Variants in VLDLR observed in about 807,000 individuals in gnomAD.
The protein encoded by VLDLR is very low-density lipoprotein receptor.
Under a neutral mutation model 112.7 loss-of-function variants are expected in VLDLR, and 81 were observed. The ratio of observed to expected loss-of-function variants is 0.72; its 90% confidence interval spans 0.60 to 0.86. The LOEUF (loss-of-function observed/expected upper bound fraction) is 0.86. Among genes scored for constraint, VLDLR ranks in the 40% least tolerant of loss-of-function variants. The pLI, the probability that VLDLR is intolerant of heterozygous loss-of-function variation, is 0.00. For synonymous variants in VLDLR, 436 were observed against 384.8 expected (o/e 1.13, Z -1.56); for missense variants, 1,237 against 1,099.4 (o/e 1.13, Z -1.77).
Position 2,643,174 on chromosome 9 carries a change from A to T in VLDLR, c.463A>T (p.Ser155Cys), listed in dbSNP as rs1203948151. The part of the protein sequence containing the change: ...DEENCGNITC[S>C]PDEFTCSSGR... ...TCTCTTAATAGGCAATATAACATGT[A>T]GTCCCGACGAGTTCACCTGCTCCAG... Residue 155 changes from serine (S) to cysteine (C), a missense_variant, in exon 5 of 19, where the codon AGT (serine) becomes TGT (cysteine). By Grantham distance (112) the Ser-to-Cys change is moderately radical (BLOSUM62 -1). Transcript: ENST00000382100. The T allele has an allele frequency of 5.0e-6, 8 of 1,611,998 alleles. No homozygotes were observed. The highest frequency in any genetic ancestry group is 6.8e-6 in the Non-Finnish European group (8 of 1,180,044).
Position 2,652,779 on chromosome 9 carries a change from G to T in VLDLR, c.2417-1G>T, listed in dbSNP as rs754454526. The stretch of plus-strand genomic sequence containing the variant: ...CTTAGCTACCCTCTGATTTTTTTCA[G>T]TGCTCTTAGTGATGGCAGCAGTAGG... On this transcript the variant is annotated splice_acceptor_variant, in intron 17 of 18. Transcript: ENST00000382100. LOFTEE classifies it high-confidence loss of function. 3 of 1,613,788 alleles carry T rather than the reference G, an allele frequency of 1.9e-6. No homozygotes were observed. The highest frequency in any genetic ancestry group is 4.5e-5 in the East Asian group (2 of 44,874).
intron 1 of VLDLR, among the ~76,000 whole-genome samples, chr9:2,624,189 T>C (rs561186000): frequency 6.6e-6 from 1 of 152,194 alleles, no homozygotes; most frequent in Non-Finnish European, 1.5e-5. Context: ...ATGTGAAATA[T>C]TTGACATGCC....
At chr9:2,631,425 T>C (rs1015069745) in intron 1 of VLDLR, among the ~76,000 whole-genome samples, 1 of 152,010 alleles carries the variant, frequency 6.6e-6, no homozygotes, top group Admixed American at 6.5e-5. Context: ...TGCCCATCAA[T>C]AATGAAAGGG....
intron 7 of VLDLR, 116 bp from the exon 8 acceptor site, chr9:2,644,618 A>G: frequency 7.5e-7 from 1 of 1,336,430 alleles, no homozygotes. Flanking sequence ...GGTCTTAGAC[A>G]AATCGTGGGT....
chr9:2,655,522 G>C lies in VLDLR; in HGVS notation c.*1654G>C, dbSNP rs1290875515. 2 of 152,262 alleles carry C rather than the reference G, an allele frequency of 1.3e-5. No individual in the cohort carries two copies. The highest frequency in any genetic ancestry group is 2.9e-5 in the Non-Finnish European group (2 of 68,028). 9.4% of individuals were successfully genotyped at this position (152,262 alleles called of 1,614,324 possible). ...GAGAAGATGTTTTGCGTTGCTACGT[G>C]AATCAGTGGATGACTCATATTTCAC... On this transcript the variant is annotated 3_prime_UTR_variant, in exon 19 of 19. Coordinates refer to ENST00000382100, the MANE Select transcript of VLDLR (RefSeq NM_003383.5).
rs1244488786 is a variant in VLDLR, at chr9:2,655,601, A to G, written c.*1733A>G. ...TCTTGTTTGTGGCTTAAGCAAGGACATTAATCCTACTAGATGAAGGGGAAG... is the reference window on the plus strand; with the variant it reads ...TCTTGTTTGTGGCTTAAGCAAGGACGTTAATCCTACTAGATGAAGGGGAAG... On this transcript the variant is annotated 3_prime_UTR_variant, in exon 19 of 19. Coordinates refer to ENST00000382100, the MANE Select transcript of VLDLR (RefSeq NM_003383.5). 6.6e-6 allele frequency: 1 copy of G among 152,208 alleles called. No homozygotes were observed. Among genetic ancestry groups the G allele is most frequent in the Non-Finnish European group, 1.5e-5 (1 of 68,030 alleles). The allele number at this position is 152,208 out of a possible 1,614,324, so 9.4% of individuals were successfully genotyped here.
chr9:2,644,077 T>C, intron 7 of VLDLR, 118 bp downstream of exon 7: 8 of 1,455,112 alleles, frequency 5.5e-6, no homozygotes, highest in African/African-American at 2.8e-5. Flanking sequence ...TGAAGTTCAA[T>C]TGTAGACTTC....
At chr9:2,648,399 T>C in intron 13 of VLDLR, 52 bp downstream of exon 13, 1 of 1,612,182 alleles carries the variant, frequency 6.2e-7, no homozygotes, top group African/African-American at 1.3e-5. Context: ...TATATCACTT[T>C]GAGAAGAAAT....
At chr9:2,633,011 G>A (rs1325418983) in intron 1 of VLDLR, among the ~76,000 whole-genome samples, 1 of 145,830 alleles carries the variant, frequency 6.9e-6, no homozygotes, top group Non-Finnish European at 1.5e-5. Context: ...TACTCCTAAT[G>A]CCTGTTGCTA....
At position 2,651,802 on chromosome 9, in the gene VLDLR, CCTTA is replaced by C; in HGVS notation, c.2336-70_2336-67del. The C allele has an allele frequency of 1.9e-6, 3 of 1,563,146 alleles. No individual in the cohort carries two copies. In the East Asian group the frequency reaches 6.7e-5, roughly 35 times the overall value. ...AATATTGGATGCAAAGGTTTTGGCT[CCTTA>C]CCTGATGGGTAAATTTCTAAGTCTG... On this transcript the variant is annotated intron_variant, in intron 16 of 18. Transcript: ENST00000382100.
At chr9:2,651,729 T>C (rs534073025) in intron 16 of VLDLR, 145 bp from the exon 17 acceptor site, 4 of 950,346 alleles carry the variant, frequency 4.2e-6, no homozygotes, top group Admixed American at 4.0e-5. Context: ...CAAATACTTC[T>C]AAGCCAGAGT....
rs1169361930 is a variant in VLDLR at position 2,622,256 on chromosome 9, G to T, written c.67G>T (p.Gly23Cys). The T allele has an allele frequency of 2.1e-5, 32 of 1,491,964 alleles. No individual in the cohort carries two copies. Among genetic ancestry groups the T allele is most frequent in the Non-Finnish European group, 2.7e-5 (31 of 1,127,410 alleles). 92.4% of individuals were successfully genotyped at this position (1,491,964 alleles called of 1,614,324 possible). Reference protein sequence around the residue: ...LALCWAPRESGATGTGRKAKC... With the variant: ...LALCWAPRESCATGTGRKAKC... ...GCTGTGCTGGGCGCCCCGGGAGAGC[G>T]GCGCCACCGGAACCGGTGAGTGAGG... is the stretch of plus-strand genomic sequence containing the variant. The change falls in exon 1 of 19, where the codon GGC (glycine) becomes TGC (cysteine). Residue 23 changes from glycine to cysteine, a missense_variant. By Grantham distance (159) the Gly-to-Cys change is radical. Transcript: ENST00000382100.
At chr9:2,635,324 C>A in intron 1 of VLDLR, 129 bp from the exon 2 acceptor site, 1 of 1,397,146 alleles carries the variant, frequency 7.2e-7, no homozygotes, top group Non-Finnish European at 1.0e-6. Context: ...CCATCCTACT[C>A]TGGCCCTTAG....
intron 2 of VLDLR, among the ~76,000 whole-genome samples, chr9:2,638,799 C>T (rs34148082): frequency 0.015 from 2,354 of 152,298 alleles, 70 homozygotes; most frequent in African/African-American, 0.054. Flanking sequence ...AATTCCTCTC[C>T]TTAGGCTATT....
intron 14 of VLDLR, 131 bp from the exon 15 acceptor site, chr9:2,650,239 T>G: frequency 9.1e-7 from 1 of 1,101,836 alleles, no homozygotes; most frequent in Non-Finnish European, 1.3e-6. Flanking sequence ...TGTTCTCACT[T>G]GAAGGATTAG....
At position 2,648,366 on chromosome 9, in the gene VLDLR, C is replaced by G. The variant is rs764288104; in HGVS notation, c.1962+19C>G. The G allele has an allele frequency of 6.2e-7, 1 of 1,613,912 alleles. No homozygotes were observed. Among genetic ancestry groups the G allele is most frequent in the Admixed American group, 1.7e-5 (1 of 60,000 alleles). On this transcript the variant is annotated intron_variant, in intron 13 of 18. Coordinates refer to ENST00000382100, the MANE Select transcript of VLDLR (RefSeq NM_003383.5). ...ATTTGAGGTAAGATGTGTCTCACAT[C>G]AAAGTGTGTACCTTTGAGCTACTAT...
chr9:2,652,334 C>G (rs1363794678), intron 17 of VLDLR, among the ~76,000 whole-genome samples: 1 of 152,166 alleles, frequency 6.6e-6, no homozygotes, highest in African/African-American at 2.4e-5. Context: ...AGTTACAGGA[C>G]TTGTTGAGGA....
rs916609049 is a variant in VLDLR at position 2,656,606 on chromosome 9, A to T, written c.*2738A>T. 1 of 152,184 alleles carries T rather than the reference A, an allele frequency of 6.6e-6. No individual in the cohort carries two copies. Among genetic ancestry groups the T allele is most frequent in the Non-Finnish European group, 1.5e-5 (1 of 68,028 alleles). The allele number at this position is 152,184 out of a possible 1,614,324, so 9.4% of individuals were successfully genotyped here. A position where few individuals can be genotyped will look rare whatever the true frequency, so the allele number is the denominator to read the frequency against. On this transcript the variant is annotated 3_prime_UTR_variant, in exon 19 of 19. Transcript: ENST00000382100. ...TAAGTTTGCTCTGTCTCTAGAGTTC[A>T]ATGTAGAAGATAATTAAGAGGTAAA...
At chr9:2,634,299 T>G (rs1310325353) in intron 1 of VLDLR, among the ~76,000 whole-genome samples, 1 of 152,152 alleles carries the variant, frequency 6.6e-6, no homozygotes, top group Non-Finnish European at 1.5e-5. Context: ...GTAATATCAG[T>G]TCTTATGCCA....
Sources: allele counts gnomAD v4.1 joint callset (sites outside exome capture counted in the v4.1 genomes callset), GRCh38; gene constraint gnomAD v4.1.1; transcripts MANE v1.5; gene names NCBI Gene and HGNC (gene_info 2026-07-23, HGNC 2026-07-21).